PLCH1: variants seen among roughly 807,000 people sequenced by gnomAD.
PLCH1 encodes the protein 1-phosphatidylinositol 4,5-bisphosphate phosphodiesterase eta-1.
PLCH1 carries 60 observed loss-of-function variants against 126.7 expected under a neutral mutation model. The observed-to-expected ratio is 0.47, with a 90% CI of 0.38 to 0.59. The LOEUF is 0.59. Among genes scored for constraint, PLCH1 ranks in the 20% least tolerant of loss-of-function variants. The pLI, the probability that PLCH1 is intolerant of heterozygous loss-of-function variation, is 0.00. For synonymous variants in PLCH1, 719 were observed against 734.9 expected (o/e 0.98, Z 0.35); for missense variants, 1,723 against 2,040.0 (o/e 0.84, Z 2.99).
intron 2 of PLCH1, among the ~76,000 whole-genome samples, chr3:155,680,744 T>C (rs1025193359): frequency 6.6e-6 from 1 of 152,184 alleles, no homozygotes; most frequent in Non-Finnish European, 1.5e-5. Context: ...ATCAGAAATA[T>C]AAAAATCTAT....
At chr3:155,596,504 T>C in intron 2 of PLCH1, 126 bp from the exon 3 acceptor site, 2 of 660,362 alleles carry the variant, frequency 3.0e-6, no homozygotes, top group South Asian at 2.9e-5. Context: ...ACAAATTTGG[T>C]AGAGGTAATC....
chr3:155,633,492 C>G (rs1015960014), intron 2 of PLCH1, among the ~76,000 whole-genome samples: 7 of 151,944 alleles, frequency 4.6e-5, no homozygotes, highest in African/African-American at 1.5e-4. Flanking sequence ...GTCTCTCCTG[C>G]TGGAATGTAA....
Position 155,521,971 on chromosome 3 carries a change from A to G in PLCH1, c.1470+1926T>C, listed in dbSNP as rs188347122. ...CATCTCCTGATGTGGGTTTCCAGAA[A>G]TCAACTACTCTTAGTAAAGAAAAGA... On this transcript the variant is annotated intron_variant, in intron 11 of 22. Coordinates refer to ENST00000460012, the MANE Select transcript of PLCH1 (RefSeq NM_014996.4). Among the ~76,000 whole-genome samples, 187 of 152,364 alleles carry G rather than the reference A, an allele frequency of 1.2e-3. 2 individuals carry two copies. The highest frequency in any genetic ancestry group is 0.01 in the Admixed American group (158 of 15,306).
chr3:155,730,283 T>C (rs1401143375), intron 1 of PLCH1, among the ~76,000 whole-genome samples: 2 of 84,576 alleles, frequency 2.4e-5, no homozygotes. Flanking sequence ...AAATGATTAG[T>C]TTTTTTTTTT....
chr3:155,721,971 T>C (rs1346375376), intron 1 of PLCH1, among the ~76,000 whole-genome samples: 1 of 151,932 alleles, frequency 6.6e-6, no homozygotes, highest in African/African-American at 2.4e-5. Flanking sequence ...TGCTTGAACC[T>C]GGGAGATGGA....
rs1560176813 is a variant in PLCH1, at chr3:155,566,290, CGT to C, written c.866-1174_866-1173del. On this transcript the variant is annotated intron_variant, in intron 7 of 22. Coordinates refer to ENST00000460012, the MANE Select transcript of PLCH1 (RefSeq NM_014996.4). ...ATATATACATATATACATATATATACGTATATATACACATATATATACATATA... is the reference window on the plus strand; with the variant it reads ...ATATATACATATATACATATATATACATATATACACATATATATACATATA... 7.0e-5 allele frequency among the ~76,000 whole-genome samples: 2 copies of C among 28,416 alleles called. 1 individual carries two copies. The highest frequency in any genetic ancestry group is 8.4e-4 in the Admixed American group (2 of 2,392). 18.6% of individuals were successfully genotyped at this position (28,416 alleles called of 152,430 possible).
At chr3:155,470,238 G>C (rs1444385867) in intron 21 of PLCH1, among the ~76,000 whole-genome samples, 3 of 152,118 alleles carry the variant, frequency 2.0e-5, no homozygotes, top group Non-Finnish European at 2.9e-5. Context: ...TAAAGGAGCT[G>C]ATGGAGCTGA....
chr3:155,481,162 A>C lies in PLCH1; in HGVS notation c.4864T>G (p.Ser1622Ala), dbSNP rs1576779095. Reference sequence around the variant, plus strand: ...TAGCCTGCGATGTAGGAGCCGGTGGAGTGGCGATTCACTGCAGGGGTGGGT... The same window carrying C: ...TAGCCTGCGATGTAGGAGCCGGTGGCGTGGCGATTCACTGCAGGGGTGGGT... ...SAPTPAVNRH[S>A]TGSYIAGYLK... The change falls in exon 23 of 23, where the codon TCC becomes GCC. Residue 1622 changes from serine to alanine, a missense_variant. This residue lies in a region of PLCH1 where 947 missense variants were observed against 977.1 expected (regional missense o/e 0.97). Transcript: ENST00000460012. The surrounding 1 kb of genome is among the most constrained non-coding windows in gnomAD (Gnocchi z 4.2). 1 of 1,614,164 alleles carries C rather than the reference A, an allele frequency of 6.2e-7. No homozygotes were observed. The highest frequency in any genetic ancestry group is 8.5e-7 in the Non-Finnish European group (1 of 1,180,014).
chr3:155,481,187 TG>T lies in PLCH1; in HGVS notation c.4838del (p.Ala1613AspfsTer6), dbSNP rs1261782778. ...AGTGGCGATTCACTGCAGGGGTGGGTGCTGAGGGTTTGTTTCTAAGAACCAC... is the reference window on the plus strand; with the variant it reads ...AGTGGCGATTCACTGCAGGGGTGGGTCTGAGGGTTTGTTTCTAAGAACCAC... ...AGVVLRNKPSAPTPAVNRHST... is the reference protein window; with the variant it reads ...AGVVLRNKPSXPTPAVNRHST... On this transcript the variant is annotated frameshift_variant, in exon 23 of 23. Coordinates refer to ENST00000460012, the MANE Select transcript of PLCH1 (RefSeq NM_014996.4). LOFTEE classifies it low-confidence loss of function (END_TRUNC). This position sits in a 1 kb window ranked among gnomAD's most constrained non-coding sequence, Gnocchi z 4.2. 3 of 1,614,148 alleles carry T rather than the reference TG, an allele frequency of 1.9e-6. No homozygotes were observed. Among genetic ancestry groups the T allele is most frequent in the Non-Finnish European group, 2.5e-6 (3 of 1,180,024 alleles).
At position 155,481,490 on chromosome 3, in the gene PLCH1, T is replaced by G. The variant is rs1411619253; in HGVS notation, c.4536A>C (p.Thr1512=). ...KYQCISKSFV[T]TGIRDKKGVT... is the part of the protein sequence containing the mutation. ...CGCCCTTCTTGTCTCTAATGCCAGT[T>G]GTAACAAAACTCTTACTAATACACT... is the stretch of plus-strand genomic sequence containing the variant. Residue 1512 remains threonine, a synonymous_variant, in exon 23 of 23, where the codon ACA becomes ACC. Coordinates refer to ENST00000460012, the MANE Select transcript of PLCH1 (RefSeq NM_014996.4). The surrounding 1 kb of genome is among the most constrained non-coding windows in gnomAD (Gnocchi z 4.2). The G allele has an allele frequency of 1.9e-6, 3 of 1,614,220 alleles. No homozygotes were observed. Among genetic ancestry groups the G allele is most frequent in the Non-Finnish European group, 2.5e-6 (3 of 1,180,042 alleles).
At chr3:155,504,913 G>C (rs889852648) in intron 12 of PLCH1, among the ~76,000 whole-genome samples, 1 of 152,182 alleles carries the variant, frequency 6.6e-6, no homozygotes, top group Non-Finnish European at 1.5e-5. Flanking sequence ...CAGTGTGCAG[G>C]TGTGCTGGCC....
chr3:155,732,985 A>T (rs1050936496), intron 1 of PLCH1, among the ~76,000 whole-genome samples: 2 of 152,110 alleles, frequency 1.3e-5, no homozygotes, highest in Non-Finnish European at 2.9e-5. Flanking sequence ...TACAAAAAAA[A>T]TACGTAGGAA....
chr3:155,548,689 G>T (rs140215177), intron 10 of PLCH1, among the ~76,000 whole-genome samples: 163 of 152,312 alleles, frequency 1.1e-3, no homozygotes, highest in Admixed American at 9.2e-3. Flanking sequence ...TACTATAAAA[G>T]TTTGCTTTAG....
At chr3:155,550,541 C>A (rs1725967682) in intron 9 of PLCH1, among the ~76,000 whole-genome samples, 1 of 152,092 alleles carries the variant, frequency 6.6e-6, no homozygotes, top group African/African-American at 2.4e-5. Flanking sequence ...TAAAAACCAG[C>A]CAAGCATTCA....
rs558490273 is a variant in PLCH1 at position 155,480,209 on chromosome 3, T to C, written c.*759A>G. 6.5e-6 allele frequency: 1 copy of C among 152,754 alleles called. No individual in the cohort carries two copies. Among genetic ancestry groups the C allele is most frequent in the Admixed American group, 6.5e-5 (1 of 15,292 alleles). The allele number at this position is 152,754 out of a possible 1,614,324, so 9.5% of individuals were successfully genotyped here. A position where few individuals can be genotyped will look rare whatever the true frequency, so the allele number is the denominator to read the frequency against. ...AAAGCCGTTGTTCGCAGTCTGTAAT[T>C]CAATCAGAAAATTCAAAAGTACAAC... On this transcript the variant is annotated 3_prime_UTR_variant, in exon 23 of 23. Coordinates refer to ENST00000460012, the MANE Select transcript of PLCH1 (RefSeq NM_014996.4).
Position 155,500,782 on chromosome 3 carries a change from ATTTT to A in PLCH1, c.1713_1716del (p.Lys572HisfsTer35). ...TCAGTACTGTAAGATTTAGACCGTG[ATTTT>A]GTAGTTTTCTGCCAGAAAAATCAAA... is the stretch of plus-strand genomic sequence containing the variant. On this transcript the variant is annotated frameshift_variant, in exon 14 of 23. Transcript: ENST00000460012. LOFTEE classifies it high-confidence loss of function. 6.2e-7 allele frequency: 1 copy of A among 1,611,596 alleles called. No individual in the cohort carries two copies. Among genetic ancestry groups the A allele is most frequent in the Non-Finnish European group, 8.5e-7 (1 of 1,177,884 alleles).
At chr3:155,516,305 GTGAC>G (rs1248882597) in intron 11 of PLCH1, among the ~76,000 whole-genome samples, 2 of 152,192 alleles carry the variant, frequency 1.3e-5, no homozygotes, top group African/African-American at 4.8e-5. Context: ...TACTACCTGA[GTGAC>G]TGAGAAGGCC....
At chr3:155,572,958 G>C (rs1166385492) in intron 6 of PLCH1, among the ~76,000 whole-genome samples, 2 of 151,970 alleles carry the variant, frequency 1.3e-5, no homozygotes, top group African/African-American at 4.8e-5. Flanking sequence ...ATGTTGCCCA[G>C]GCTGGTCTCG....
intron 1 of PLCH1, among the ~76,000 whole-genome samples, chr3:155,710,604 G>A (rs1385112152): frequency 1.3e-5 from 2 of 152,026 alleles, no homozygotes; most frequent in Admixed American, 6.6e-5. Flanking sequence ...AGGCCGAGGT[G>A]GGCAGATCAC....
Sources: allele counts gnomAD v4.1 joint callset (sites outside exome capture counted in the v4.1 genomes callset), GRCh38; gene constraint gnomAD v4.1.1; regional missense constraint gnomAD v4.1.1; non-coding constraint Gnocchi (gnomAD v3.1); transcripts MANE v1.5; gene names NCBI Gene and HGNC (gene_info 2026-07-23, HGNC 2026-07-21).